The following DNAI7 variants were observed in gnomAD, a reference collection of about 807,000 sequenced individuals.
The protein encoded by DNAI7 is dynein axonemal intermediate chain 7, also known as cancer susceptibility 1.
A neutral mutation model predicts 86.6 loss-of-function variants in DNAI7; 78 were observed. That is an observed-to-expected ratio of 0.90 (90% confidence interval 0.75 to 1.09). DNAI7 has a LOEUF of 1.09. DNAI7 is among the 50% of genes least tolerant of loss of function. The pLI, the probability that DNAI7 is intolerant of heterozygous loss-of-function variation, is 0.00. For missense variants in DNAI7, 753 were observed against 810.2 expected, an observed-to-expected ratio of 0.93 and a Z score of 0.86; for synonymous variants, 274 against 273.0, an observed-to-expected ratio of 1.00 and a Z score of -0.04.
At chr12:25,116,867 A>G (rs1940211873) in intron 12 of DNAI7, among the ~76,000 whole-genome samples, 2 of 152,218 alleles carry the variant, frequency 1.3e-5, no homozygotes, top group Non-Finnish European at 2.9e-5. Flanking sequence ...AACAATATCA[A>G]AAGAGATACA....
intron 1 of DNAI7, among the ~76,000 whole-genome samples, chr12:25,193,044 G>A (rs543303119): frequency 5.3e-5 from 8 of 151,916 alleles, no homozygotes; most frequent in South Asian, 2.1e-4. Context: ...TATTCAGGAG[G>A]CTGAGTTGGG....
Sources: gnomAD v4.1 joint callset for allele counts (sites outside exome capture counted in the v4.1 genomes callset) on GRCh38, gnomAD v4.1.1 for gene constraint, MANE v1.5 for transcripts, NCBI Gene and HGNC (gene_info 2026-07-23, HGNC 2026-07-21) for gene names.